SZT2: variants seen among roughly 807,000 people sequenced by gnomAD.
SZT2 encodes the protein KICSTOR complex protein SZT2.
In SZT2, 216 loss-of-function variants were observed where a neutral mutation model predicts 404.2. The ratio of observed to expected loss-of-function variants is 0.53; its 90% CI spans 0.48 to 0.60. SZT2 has a LOEUF of 0.60. Ranked by LOEUF, SZT2 falls within the 20% of genes least tolerant of loss-of-function variation. SZT2 has a pLI of 0.00. For missense variants in SZT2, 3,857 were observed against 4,459.2 expected, an observed-to-expected ratio of 0.86 and a Z score of 3.85; for synonymous variants, 1,693 against 1,749.9, an observed-to-expected ratio of 0.97 and a Z score of 0.81.
Position 43,428,270 on chromosome 1 carries a change from G to A in SZT2, c.3950G>A (p.Ser1317Asn), listed in dbSNP as rs998845607. The A allele has an allele frequency of 8.1e-6, 13 of 1,614,086 alleles. No homozygotes were observed. In the African/African-American group the frequency reaches 1.7e-4, roughly 22 times the overall value. Reference sequence around the variant, plus strand: ...TTCCGCAGCTTGCAGCAAGCACAGAGTGTGACCTCCCAGGATTTGCTGACA... The same window carrying A: ...TTCCGCAGCTTGCAGCAAGCACAGAATGTGACCTCCCAGGATTTGCTGACA... ...GLFRSLQQAQSVTSQDLLTAV... is the reference protein window; with the variant it reads ...GLFRSLQQAQNVTSQDLLTAV... The change falls in exon 28 of 72, where the codon AGT becomes AAT. Residue 1317 changes from serine to asparagine, a missense_variant. Ser to Asn is a conservative substitution (Grantham distance 46). Transcript: ENST00000634258.
intron 4 of SZT2, among the ~76,000 whole-genome samples, chr1:43,414,306 C>T (rs1180873653): frequency 6.6e-6 from 1 of 151,968 alleles, no homozygotes; most frequent in Admixed American, 6.6e-5. Flanking sequence ...ACAAAAAAAA[C>T]TTGAAGTGGT....
intron 4 of SZT2, among the ~76,000 whole-genome samples, chr1:43,411,342 G>A (rs772175368): frequency 2.6e-5 from 4 of 152,216 alleles, no homozygotes; most frequent in Non-Finnish European, 4.4e-5. Context: ...GGCAGTGTTG[G>A]CTCTAGCCTG....
chr1:43,444,788 C>T (rs568706930), intron 62 of SZT2, among the ~76,000 whole-genome samples: 34 of 152,278 alleles, frequency 2.2e-4, no homozygotes, highest in Middle Eastern at 6.8e-3. Flanking sequence ...TGGCTGTATG[C>T]GAAAAATGAG....
Position 43,441,416 on chromosome 1 carries a change from T to TG in SZT2, c.7511+39dup, listed in dbSNP as rs773740014. ...GGTGGTGGTGTGCCCTGGGAGGGTA[T>TG]GGGTGTGAAGTCACAGATGGGCCTT... is the stretch of plus-strand genomic sequence containing the variant. On this transcript the variant is annotated intron_variant, in intron 53 of 71. Transcript: ENST00000634258. This position sits in a 1 kb window ranked among gnomAD's most constrained non-coding sequence, Gnocchi z 4.8. 5.0e-6 allele frequency: 8 copies of TG among 1,612,080 alleles called. No individual in the cohort carries two copies. The South Asian group carries it at 8.8e-5, about 18-fold the overall frequency.
Position 43,431,538 on chromosome 1 carries a change from C to G in SZT2, c.5088+15C>G. The G allele has an allele frequency of 6.2e-7, 1 of 1,614,046 alleles. No individual in the cohort carries two copies. Among genetic ancestry groups the G allele is most frequent in the Non-Finnish European group, 8.5e-7 (1 of 1,179,940 alleles). The stretch of plus-strand genomic sequence containing the variant: ...CCATGAATGAGGTGAGCCCCCCACC[C>G]CCAACACTGTAACTGATTCCCTTTC... On this transcript the variant is annotated intron_variant, in intron 35 of 71. Coordinates refer to ENST00000634258, the MANE Select transcript of SZT2 (RefSeq NM_001365999.1).
chr1:43,423,499 C>A (rs1652693689), intron 15 of SZT2, among the ~76,000 whole-genome samples, 183 bp downstream of exon 15: 1 of 134,894 alleles, frequency 7.4e-6, no homozygotes, highest in South Asian at 2.4e-4. Context: ...AAGGGCGTGG[C>A]TTAGCAGGGT....
At chr1:43,414,024 G>A (rs1411860876) in intron 4 of SZT2, among the ~76,000 whole-genome samples, 1 of 152,200 alleles carries the variant, frequency 6.6e-6, no homozygotes, top group Non-Finnish European at 1.5e-5. Context: ...ACTCATGCCT[G>A]TAATCCCAGC....
intron 1 of SZT2, among the ~76,000 whole-genome samples, chr1:43,396,215 A>C (rs1648974793): frequency 6.6e-6 from 1 of 152,220 alleles, no homozygotes; most frequent in Admixed American, 6.5e-5. Flanking sequence ...CACATAATCT[A>C]AGATATAAAA....
Position 43,422,554 on chromosome 1 carries a change from C to T in SZT2, c.1844C>T (p.Ser615Phe). 2 of 1,598,196 alleles carry T rather than the reference C, an allele frequency of 1.3e-6. No individual in the cohort carries two copies. The highest frequency in any genetic ancestry group is 1.7e-6 in the Non-Finnish European group (2 of 1,179,722). Residue 615 changes from serine to phenylalanine, a missense_variant, in exon 13 of 72, where the codon TCC (serine) becomes TTC (phenylalanine). Transcript: ENST00000634258. ...YSTIQCRISHSSLTSLLRDWS... is the reference protein window; with the variant it reads ...YSTIQCRISHFSLTSLLRDWS... Reference sequence around the variant, plus strand: ...ACTATCCAGTGCAGGATCTCCCACTCCTCCCTGACCTCTCTGCTGCGGGAC... The same window carrying T: ...ACTATCCAGTGCAGGATCTCCCACTTCTCCCTGACCTCTCTGCTGCGGGAC...
At chr1:43,433,275 G>C (rs1019625026) in intron 40 of SZT2, 85 bp downstream of exon 40, 1 of 1,459,488 alleles carries the variant, frequency 6.9e-7, no homozygotes. Flanking sequence ...AGTGTTGTTA[G>C]AAGTAAGACT....
At chr1:43,431,240 T>G in intron 33 of SZT2, 25 bp from the exon 34 acceptor site, 1 of 1,584,648 alleles carries the variant, frequency 6.3e-7, no homozygotes, top group Admixed American at 1.8e-5. Flanking sequence ...ACTCCTGACC[T>G]TTGACTTGTT....
In SZT2 at chr1:43,429,781, C is replaced by G. The variant is rs775284850; in HGVS notation, c.4245C>G (p.Ile1415Met). Residue 1415 changes from isoleucine to methionine, a missense_variant, in exon 29 of 72, where the codon ATC becomes ATG. This residue lies in a region of SZT2 where 1,725 missense variants were observed against 1,881.0 expected (regional missense o/e 0.92). Coordinates refer to ENST00000634258, the MANE Select transcript of SZT2 (RefSeq NM_001365999.1). ...VPGIPDPGPE[I>M]SLTDVCQLRG... Reference sequence around the variant, plus strand: ...GCATTCCAGACCCTGGGCCAGAGATCTCTCTGACAGATGTCTGCCAGCTCA... The same window carrying G: ...GCATTCCAGACCCTGGGCCAGAGATGTCTCTGACAGATGTCTGCCAGCTCA... 1 of 1,614,098 alleles carries G rather than the reference C, an allele frequency of 6.2e-7. No individual in the cohort carries two copies. The highest frequency in any genetic ancestry group is 1.3e-5 in the African/African-American group (1 of 74,934).
At position 43,425,567 on chromosome 1, in the gene SZT2, G is replaced by A; in HGVS notation, c.2739G>A (p.Gln913=). ...TCACTGAGGTGTGGGTGGAGCCACAGTATGGGCGAGTGGGACCTGGCCCTG... is the reference window on the plus strand; with the variant it reads ...TCACTGAGGTGTGGGTGGAGCCACAATATGGGCGAGTGGGACCTGGCCCTG... ...NLVTEVWVEP[Q]YGRVGPGPGI... Residue 913 remains glutamine, a synonymous_variant, in exon 19 of 72, where the codon CAG becomes CAA. Coordinates refer to ENST00000634258, the MANE Select transcript of SZT2 (RefSeq NM_001365999.1). The surrounding 1 kb of genome is among the most constrained non-coding windows in gnomAD (Gnocchi z 4.3). 1 of 1,614,200 alleles carries A rather than the reference G, an allele frequency of 6.2e-7. No homozygotes were observed. The highest frequency in any genetic ancestry group is 8.5e-7 in the Non-Finnish European group (1 of 1,180,036).
In SZT2 at chr1:43,426,593, C is replaced by A; in HGVS notation, c.3214+55C>A. 2 of 1,512,506 alleles carry A rather than the reference C, an allele frequency of 1.3e-6. No individual in the cohort carries two copies. Among genetic ancestry groups the A allele is most frequent in the Non-Finnish European group, 1.8e-6 (2 of 1,127,116 alleles). 93.7% of individuals were successfully genotyped at this position (1,512,506 alleles called of 1,614,324 possible). ...ACCCTGGCCCAGCCCTTTTCCCCCA[C>A]CCTCACAGGGTGATTTCTGTCTTTG... On this transcript the variant is annotated intron_variant, in intron 22 of 71. Transcript: ENST00000634258. This position sits in a 1 kb window ranked among gnomAD's most constrained non-coding sequence, Gnocchi z 4.9.
Position 43,453,873 on chromosome 1 carries a change from G to GGGCTC in SZT2, c.*3394_*3398dup, listed in dbSNP as rs1389608173. On this transcript the variant is annotated 3_prime_UTR_variant, in exon 72 of 72. Transcript: ENST00000634258. ...GGGCGGCGGGCGGCGGGCGGGGGCGGGGCTCTCCTTGCTGGCCCTGCGAAC... is the reference window on the plus strand; with the variant it reads ...GGGCGGCGGGCGGCGGGCGGGGGCGGGGCTCGGCTCTCCTTGCTGGCCCTGCGAAC... The GGGCTC allele has an allele frequency of 1.6e-5, 20 of 1,227,754 alleles. No homozygotes were observed. Among genetic ancestry groups the GGGCTC allele is most frequent in the Non-Finnish European group, 2.0e-5 (20 of 986,304 alleles). The allele number at this position is 1,227,754 out of a possible 1,614,324, so 76.1% of individuals were successfully genotyped here.
Position 43,443,620 on chromosome 1 carries a change from G to C in SZT2, c.8649G>C (p.Gly2883=), listed in dbSNP as rs762528944. The change falls in exon 62 of 72, where the codon GGG becomes GGC. Residue 2883 remains glycine, a synonymous_variant. Transcript: ENST00000634258. ...DGQRRHRPES[G]SGSREAPTSC... is the part of the protein sequence containing the mutation. Reference sequence around the variant, plus strand: ...AGCGGCGCCATCGCCCTGAGTCAGGGTCTGGGAGCCGAGAGGCCCCCACAA... The same window carrying C: ...AGCGGCGCCATCGCCCTGAGTCAGGCTCTGGGAGCCGAGAGGCCCCCACAA... 1.7e-5 allele frequency: 27 copies of C among 1,614,044 alleles called. No individual in the cohort carries two copies. The Admixed American group carries it at 4.5e-4, about 27-fold the overall frequency.
At position 43,433,035 on chromosome 1, in the gene SZT2, C is replaced by T. The variant is rs1368405072; in HGVS notation, c.5649C>T (p.Asp1883=). The T allele has an allele frequency of 1.9e-6, 3 of 1,614,028 alleles. No homozygotes were observed. The highest frequency in any genetic ancestry group is 1.3e-5 in the African/African-American group (1 of 74,906). ...GCTCAGACAGTGAGGGTCCCAATGA[C>T]ACCCTTGGTGAGAAGGCCCCCTTCA... ...SSGSDSEGPN[D]TLGEKAPFTL... is the part of the protein sequence containing the mutation. Residue 1883 remains aspartate (D), a synonymous_variant, in exon 40 of 72, where the codon GAC becomes GAT. Transcript: ENST00000634258.
At chr1:43,403,535 G>C (rs565028847) in intron 2 of SZT2, 66 bp from the exon 3 acceptor site, 215 of 1,555,960 alleles carry the variant, frequency 1.4e-4, no homozygotes, top group Non-Finnish European at 2.4e-5. Context: ...GGATATAGAA[G>C]GCAGGTCCTG....
At position 43,432,978 on chromosome 1, in the gene SZT2, A is replaced by C. The variant is rs199939853; in HGVS notation, c.5603-11A>C. ...TTCGGATGGGATTGACCTTCAATGC[A>C]TCTGACACAGGTTATGATGGTGGCA... is the stretch of plus-strand genomic sequence containing the variant. On this transcript the variant is annotated splice_polypyrimidine_tract_variant and intron_variant, in intron 39 of 71. Transcript: ENST00000634258. The C allele has an allele frequency of 5.5e-5, 88 of 1,613,920 alleles. No homozygotes were observed. In the East Asian group the frequency reaches 1.9e-3, roughly 34 times the overall value.
Sources: allele counts gnomAD v4.1 joint callset (sites outside exome capture counted in the v4.1 genomes callset), GRCh38; gene constraint gnomAD v4.1.1; regional missense constraint gnomAD v4.1.1; non-coding constraint Gnocchi (gnomAD v3.1); transcripts MANE v1.5; gene names NCBI Gene and HGNC (gene_info 2026-07-23, HGNC 2026-07-21).